The following CHD9 variants were observed in gnomAD, a reference collection of about 807,000 sequenced individuals.
The protein encoded by CHD9 is ATP-dependent chromatin remodeler CHD9.
Under a neutral mutation model 316.1 loss-of-function variants are expected in CHD9, and 77 were observed. The ratio of observed to expected loss-of-function variants is 0.24; its 90% confidence interval spans 0.20 to 0.29. The LOEUF is 0.29. CHD9 is among the 10% of genes least tolerant of loss of function. CHD9 has a pLI of 1.00. For missense variants in CHD9, 2,763 were observed against 3,438.1 expected, an observed-to-expected ratio of 0.80 and a Z score of 4.91; for synonymous variants, 1,129 against 1,158.3, an observed-to-expected ratio of 0.97 and a Z score of 0.51.
chr16:53,281,594 T>G (rs2053422243), intron 24 of CHD9, among the ~76,000 whole-genome samples: 1 of 152,164 alleles, frequency 6.6e-6, no homozygotes, highest in Admixed American at 6.5e-5. Context: ...CCTCCAGATG[T>G]TTCTAATTTC....
At chr16:53,118,601 G>A (rs936020128) in intron 1 of CHD9, among the ~76,000 whole-genome samples, 9 of 151,914 alleles carry the variant, frequency 5.9e-5, no homozygotes, top group Admixed American at 2.0e-4. Flanking sequence ...TAATTTTCCT[G>A]GTTGGCATGT....
chr16:53,273,567 T>C, intron 22 of CHD9, 59 bp from the exon 23 acceptor site: 1 of 1,355,158 alleles, frequency 7.4e-7, no homozygotes, highest in Non-Finnish European at 9.9e-7. Flanking sequence ...TGAAACAATC[T>C]TTCAGATTGC....
chr16:53,152,756 G>T (rs1567383974), intron 1 of CHD9, among the ~76,000 whole-genome samples: 1 of 152,152 alleles, frequency 6.6e-6, no homozygotes, highest in Non-Finnish European at 1.5e-5. Context: ...AGGTAAATGG[G>T]TCTAGATTTA....
At chr16:53,238,707 A>T in intron 12 of CHD9, 121 bp downstream of exon 12, 1 of 1,011,980 alleles carries the variant, frequency 9.9e-7, no homozygotes, top group Non-Finnish European at 1.5e-6. Flanking sequence ...TCTTAGTTTA[A>T]GTTCTTTTAT....
At chr16:53,087,193 T>C (rs1211468618) in intron 1 of CHD9, among the ~76,000 whole-genome samples, 2 of 152,160 alleles carry the variant, frequency 1.3e-5, no homozygotes, top group Non-Finnish European at 2.9e-5. Context: ...CAGGAGGTGG[T>C]GAGCCATTAA....
At chr16:53,227,680 ATGATTTT>A in intron 7 of CHD9, 77 bp downstream of exon 7, 1 of 373,972 alleles carries the variant, frequency 2.7e-6, no homozygotes, top group Non-Finnish European at 4.5e-6. Context: ...AATTAAAATT[ATGATTTT>A]CATTTTATCC....
chr16:53,253,757 G>A (rs1003060894), intron 17 of CHD9, among the ~76,000 whole-genome samples: 4 of 152,064 alleles, frequency 2.6e-5, no homozygotes, highest in Admixed American at 6.6e-5. Context: ...CCAGGAGTTC[G>A]ATTGGGCAAC....
chr16:53,086,920 T>G (rs1216643150), intron 1 of CHD9, among the ~76,000 whole-genome samples: 1 of 152,116 alleles, frequency 6.6e-6, no homozygotes, highest in African/African-American at 2.4e-5. Flanking sequence ...CCTCAACCAA[T>G]GGAAACTTAC....
At chr16:53,182,567 A>T (rs11863502) in intron 2 of CHD9, among the ~76,000 whole-genome samples, 47,776 of 152,058 alleles carry the variant, frequency 0.31, 7,685 homozygotes, top group Middle Eastern at 0.39. Flanking sequence ...TTGATACAAA[A>T]GTATCTTGAA....
At chr16:53,212,273 T>G (rs62048057) in intron 3 of CHD9, among the ~76,000 whole-genome samples, 1 of 151,622 alleles carries the variant, frequency 6.6e-6, no homozygotes, top group Non-Finnish European at 1.5e-5. Context: ...GGCGTGGTGG[T>G]GGGCACCTGT....
intron 2 of CHD9, among the ~76,000 whole-genome samples, chr16:53,183,652 G>A (rs762646988): frequency 6.6e-6 from 1 of 152,132 alleles, no homozygotes; most frequent in Non-Finnish European, 1.5e-5. Context: ...AGTGACTCAT[G>A]CCTTTAATCC....
At position 53,324,235 on chromosome 16, in the gene CHD9, C is replaced by T. The variant is rs758257775; in HGVS notation, c.8034C>T (p.Asn2678=). 1.4e-5 allele frequency: 22 copies of T among 1,613,928 alleles called. No individual in the cohort carries two copies. Among genetic ancestry groups the T allele is most frequent in the Middle Eastern group, 1.6e-4 (1 of 6,062 alleles). Residue 2678 remains asparagine (N), a synonymous_variant, in exon 39 of 39, where the codon AAC becomes AAT. Coordinates refer to ENST00000447540, the MANE Select transcript of CHD9 (RefSeq NM_001308319.2). ...CAACTCTTCAGGCCTTACAACAAAACCTACAAAACTTGCAGTCACTGCAAG... is the reference window on the plus strand; with the variant it reads ...CAACTCTTCAGGCCTTACAACAAAATCTACAAAACTTGCAGTCACTGCAAG... ...DLTTLQALQQ[N]LQNLQSLQVT...
At chr16:53,096,772 TC>T (rs1307740503) in intron 1 of CHD9, among the ~76,000 whole-genome samples, 1 of 152,162 alleles carries the variant, frequency 6.6e-6, no homozygotes, top group African/African-American at 2.4e-5. Flanking sequence ...GGCTGAGAAG[TC>T]CCAGGTCAAG....
intron 19 of CHD9, among the ~76,000 whole-genome samples, chr16:53,261,486 AC>A (rs758447512): frequency 6.9e-6 from 1 of 144,084 alleles, no homozygotes; most frequent in Non-Finnish European, 1.5e-5. Context: ...TGACCCACCC[AC>A]CTCAGCCTCC....
intron 20 of CHD9, among the ~76,000 whole-genome samples, chr16:53,267,040 G>C (rs986923584): frequency 6.6e-6 from 1 of 152,028 alleles, no homozygotes; most frequent in African/African-American, 2.4e-5. Context: ...TTACAATAAT[G>C]TTATATTAAT....
Position 53,235,186 on chromosome 16 carries a change from A to ACCGT in CHD9, c.2516_2519dup (p.Pro841SerfsTer4). On this transcript the variant is annotated frameshift_variant and splice_region_variant, in exon 11 of 39. Transcript: ENST00000447540. LOFTEE classifies it high-confidence loss of function. ...TTCATTCTTTGTTTTTCCACAAAGGACCGTCCTCCTTCTAATATTTGGAAG... is the reference window on the plus strand; with the variant it reads ...TTCATTCTTTGTTTTTCCACAAAGGACCGTCCGTCCTCCTTCTAATATTTGGAAG... 1 of 1,556,630 alleles carries ACCGT rather than the reference A, an allele frequency of 6.4e-7. No individual in the cohort carries two copies. The highest frequency in any genetic ancestry group is 8.7e-7 in the Non-Finnish European group (1 of 1,148,660).
At chr16:53,220,950 C>T (rs1368274073) in intron 3 of CHD9, among the ~76,000 whole-genome samples, 2 of 152,174 alleles carry the variant, frequency 1.3e-5, no homozygotes, top group Non-Finnish European at 2.9e-5. Context: ...TGTAAAGCCC[C>T]CTTTACTCTT....
chr16:53,180,963 C>T (rs934175457), intron 2 of CHD9, among the ~76,000 whole-genome samples: 1 of 152,000 alleles, frequency 6.6e-6, no homozygotes, highest in Non-Finnish European at 1.5e-5. Context: ...GCGTGAGCCA[C>T]CTCGCCCAGC....
At chr16:53,123,852 T>C (rs2038856186) in intron 1 of CHD9, among the ~76,000 whole-genome samples, 1 of 152,204 alleles carries the variant, frequency 6.6e-6, no homozygotes, top group Admixed American at 6.5e-5. Flanking sequence ...TCTTCTGAGT[T>C]GGCTTACTAG....
Sources: gnomAD v4.1 joint callset for allele counts (sites outside exome capture counted in the v4.1 genomes callset) on GRCh38, gnomAD v4.1.1 for gene constraint, MANE v1.5 for transcripts, NCBI Gene and HGNC (gene_info 2026-07-23, HGNC 2026-07-21) for gene names.